The following RB1 variants were observed in gnomAD, a reference collection of about 807,000 sequenced individuals.
RB1 encodes the protein retinoblastoma-associated protein.
In RB1, 18 loss-of-function variants were observed where a neutral mutation model predicts 135.4. The observed-to-expected ratio is 0.13, with a 90% CI of 0.09 to 0.20. The LOEUF is 0.20. Ranked by LOEUF, RB1 falls within the 10% of genes least tolerant of loss-of-function variation. RB1 has a pLI of 1.00. For missense variants in RB1, 868 were observed against 1,110.0 expected (o/e 0.78, Z 3.10); for synonymous variants, 365 against 373.2 (o/e 0.98, Z 0.25).
At chr13:48,479,957 G>A (rs771461975) in intron 26 of RB1, 41 bp from the exon 27 acceptor site, 1 of 1,559,432 alleles carries the variant, frequency 6.4e-7, no homozygotes, top group Non-Finnish European at 8.8e-7. Context: ...AACTTACCCA[G>A]TACCATCAAT....
chr13:48,364,423 G>T (rs1023591391), intron 8 of RB1, among the ~76,000 whole-genome samples: 1 of 152,118 alleles, frequency 6.6e-6, no homozygotes, highest in African/African-American at 2.4e-5. Context: ...AATGTATTTT[G>T]TCTTCTTACA....
chr13:48,394,923 G>C (rs1391216479), intron 17 of RB1, among the ~76,000 whole-genome samples: 1 of 152,168 alleles, frequency 6.6e-6, no homozygotes, highest in Non-Finnish European at 1.5e-5. Context: ...TCCTCAAGTG[G>C]GTCCCTGACC....
At chr13:48,436,672 C>G (rs538338168) in intron 17 of RB1, among the ~76,000 whole-genome samples, 2 of 151,930 alleles carry the variant, frequency 1.3e-5, no homozygotes, top group South Asian at 4.2e-4. Context: ...AGTGGCTCAG[C>G]CAGCATATGT....
At chr13:48,465,911 CCA>C (rs1326483008) in intron 23 of RB1, among the ~76,000 whole-genome samples, 1 of 148,472 alleles carries the variant, frequency 6.7e-6, no homozygotes, top group Non-Finnish European at 1.5e-5. Flanking sequence ...GGTCCTACGC[CCA>C]CGGAATCTCG....
At chr13:48,347,289 C>G (rs114005690) in intron 4 of RB1, among the ~76,000 whole-genome samples, 1 of 151,974 alleles carries the variant, frequency 6.6e-6, no homozygotes, top group African/African-American at 2.4e-5. Context: ...GAACTGGGAG[C>G]GAGCATCTTA....
At chr13:48,425,138 T>C (rs1426617091) in intron 17 of RB1, among the ~76,000 whole-genome samples, 1 of 152,174 alleles carries the variant, frequency 6.6e-6, no homozygotes, top group Non-Finnish European at 1.5e-5. Flanking sequence ...CACATAGACA[T>C]GAGAATCTAC....
At chr13:48,330,242 G>A (rs1016044196) in intron 2 of RB1, among the ~76,000 whole-genome samples, 1 of 151,930 alleles carries the variant, frequency 6.6e-6, no homozygotes, top group African/African-American at 2.4e-5. Context: ...CCCCAGATAA[G>A]TAACCTAACT....
At chr13:48,308,206 C>T (rs1981435) in intron 2 of RB1, among the ~76,000 whole-genome samples, 84,270 of 151,172 alleles carry the variant, frequency 0.56, 28,178 homozygotes, top group Middle Eastern at 0.72. Context: ...TTTACATAGC[C>T]GGGCATGGTG....
chr13:48,444,521 CAAA>C (rs1949269495), intron 17 of RB1: 1 of 152,282 alleles, frequency 6.6e-6, no homozygotes, highest in Non-Finnish European at 1.5e-5. Context: ...TCTGAAAAAA[CAAA>C]AAGAAAAAAT....
At chr13:48,321,156 C>A (rs78206752) in intron 2 of RB1, among the ~76,000 whole-genome samples, 1 of 152,072 alleles carries the variant, frequency 6.6e-6, no homozygotes, top group South Asian at 2.1e-4. Context: ...GCTTGCGTCC[C>A]GCGTCCCGCA....
At chr13:48,368,739 A>T in intron 11 of RB1, 135 bp downstream of exon 11, 3 of 1,313,950 alleles carry the variant, frequency 2.3e-6, no homozygotes, top group Non-Finnish European at 3.0e-6. Context: ...GGTGTGGTGG[A>T]TCACACCTGT....
intron 2 of RB1, among the ~76,000 whole-genome samples, chr13:48,331,087 T>C (rs76911936): frequency 0.011 from 1,665 of 152,300 alleles, 27 homozygotes; most frequent in African/African-American, 0.037. Context: ...TAACATTCTT[T>C]CATGATGAAA....
chr13:48,397,252 C>T (rs1948655819), intron 17 of RB1, among the ~76,000 whole-genome samples: 1 of 152,166 alleles, frequency 6.6e-6, no homozygotes, highest in East Asian at 1.9e-4. Flanking sequence ...CCCAAATGCC[C>T]ATCAGTGGTA....
Position 48,456,307 on chromosome 13 carries a change from A to C in RB1, c.1918A>C (p.Lys640Gln). The part of the protein sequence containing the change: ...TQATSAFQTQ[K>Q]PLKSTSLSLF... ...AGCAACCTCAGCCTTCCAGACCCAG[A>C]AGCCATTGAAATCTACCTCTCTTTC... Residue 640 changes from lysine to glutamine, a missense_variant, in exon 19 of 27, where the codon AAG (lysine) becomes CAG (glutamine). Transcript: ENST00000267163. 6.2e-7 allele frequency: 1 copy of C among 1,614,230 alleles called. No individual in the cohort carries two copies.
chr13:48,436,643 TA>T (rs34668363), intron 17 of RB1, among the ~76,000 whole-genome samples: 32,889 of 148,294 alleles, frequency 0.22, 3,713 homozygotes, highest in South Asian at 0.27. Context: ...GACTCTCTCT[TA>T]AAAAAAAAAA....
At chr13:48,348,416 A>G (rs1052912471) in intron 5 of RB1, among the ~76,000 whole-genome samples, 1 of 151,876 alleles carries the variant, frequency 6.6e-6, no homozygotes, top group Non-Finnish European at 1.5e-5. Context: ...ATTGATATCA[A>G]TCTATTAATT....
intron 17 of RB1, among the ~76,000 whole-genome samples, chr13:48,442,390 T>A (rs544749910): frequency 9.9e-5 from 15 of 152,160 alleles, no homozygotes; most frequent in Non-Finnish European, 1.8e-4. Context: ...TTTGTAGAGA[T>A]GGGGTTTCAC....
intron 17 of RB1, among the ~76,000 whole-genome samples, chr13:48,398,961 G>A (rs2804088): frequency 0.9 from 136,111 of 152,050 alleles, 62,253 homozygotes; most frequent in East Asian, 1. Context: ...TATTGGTCTG[G>A]CTTATTCCTC....
chr13:48,304,016 A>T lies in RB1; in HGVS notation c.104A>T (p.Gln35Leu), dbSNP rs1480581747. ...PPPPPEEDPE[Q>L]DSGPEDLPLV... ...CCCCCTCCTGAGGAGGACCCAGAGC[A>T]GGACAGCGGCCCGGAGGACCTGCCT... Residue 35 changes from glutamine to leucine, a missense_variant, in exon 1 of 27, where the codon CAG (glutamine) becomes CTG (leucine). Physicochemically the swap from Gln to Leu is moderately radical, Grantham distance 113. This residue lies in a region of RB1 where 641 missense variants were observed against 791.3 expected (regional missense o/e 0.81). Transcript: ENST00000267163. 6 of 1,472,782 alleles carry T rather than the reference A, an allele frequency of 4.1e-6. No homozygotes were observed. Among genetic ancestry groups the T allele is most frequent in the Non-Finnish European group, 5.4e-6 (6 of 1,120,450 alleles). 91.2% of individuals were successfully genotyped at this position (1,472,782 alleles called of 1,614,324 possible).
Sources: allele counts gnomAD v4.1 joint callset (sites outside exome capture counted in the v4.1 genomes callset), GRCh38; gene constraint gnomAD v4.1.1; regional missense constraint gnomAD v4.1.1; transcripts MANE v1.5; gene names NCBI Gene and HGNC (gene_info 2026-07-23, HGNC 2026-07-21).